PRRC2A: variants seen among roughly 807,000 people sequenced by gnomAD.
PRRC2A encodes proline rich coiled-coil 2A, also known as protein PRRC2A.
PRRC2A carries 59 observed loss-of-function variants against 224.6 expected under a neutral mutation model. That is an observed-to-expected ratio of 0.26 (90% CI 0.21 to 0.33). PRRC2A has a LOEUF of 0.33. Among genes scored for constraint, PRRC2A ranks in the 10% least tolerant of loss-of-function variants. PRRC2A has a pLI of 1.00. For synonymous variants in PRRC2A, 1,194 were observed against 1,109.5 expected, an observed-to-expected ratio of 1.08 and a Z score of -1.51; for missense variants, 3,095 against 2,880.7, an observed-to-expected ratio of 1.07 and a Z score of -1.70.
chr6:31,634,666 C>T (rs1272284896), intron 20 of PRRC2A, 87 bp from the exon 21 acceptor site: 18 of 1,567,906 alleles, frequency 1.1e-5, no homozygotes, highest in African/African-American at 2.7e-5. Context: ...TTGGCTGTCC[C>T]CTTTCTGCAG....
At chr6:31,623,012 G>A (rs1325197838) in intron 2 of PRRC2A, 111 bp downstream of exon 2, 2 of 982,752 alleles carry the variant, frequency 2.0e-6, no homozygotes, top group Admixed American at 1.8e-5. Context: ...CAAAAGACTA[G>A]AGGAGATTTC....
chr6:31,623,255 A>C (rs765829371), intron 2 of PRRC2A: 6 of 470,958 alleles, frequency 1.3e-5, no homozygotes, highest in African/African-American at 9.1e-5. Flanking sequence ...TAGGGATTTC[A>C]TAGATTTTTT....
At chr6:31,630,825 G>A in intron 15 of PRRC2A, 24 bp downstream of exon 15, 1 of 1,611,024 alleles carries the variant, frequency 6.2e-7, no homozygotes, top group Non-Finnish European at 8.5e-7. Flanking sequence ...ATGAGAAATG[G>A]GTGAGTTCAC....
rs1206307739 is a variant in PRRC2A, at chr6:31,626,878, CA to C, written c.1073+17del. 6.2e-6 allele frequency: 10 copies of C among 1,611,972 alleles called. No individual in the cohort carries two copies. The highest frequency in any genetic ancestry group is 4.0e-5 in the African/African-American group (3 of 74,878). On this transcript the variant is annotated intron_variant, in intron 10 of 30. Coordinates refer to ENST00000376033, the MANE Select transcript of PRRC2A (RefSeq NM_004638.4). ...CTGAGGGCCAGTGAGTTAGGGCCAT[CA>C]GGGGAGAAGAGGAGGGGGTCTTGGT...
At position 31,627,870 on chromosome 6, in the gene PRRC2A, C is replaced by T. The variant is rs770325733; in HGVS notation, c.1396C>T (p.Arg466Trp). 1.9e-6 allele frequency: 3 copies of T among 1,612,922 alleles called. No individual in the cohort carries two copies. Among genetic ancestry groups the T allele is most frequent in the Non-Finnish European group, 2.5e-6 (3 of 1,179,998 alleles). ...ATCTGAGATTTCCCTGGCAGTGGAG[C>T]GGGCCCGGCGACGGCGAGAAGAAGA... ...SSSEISLAVE[R>W]ARRRREEEER... The change falls in exon 12 of 31, where the codon CGG becomes TGG. Residue 466 changes from arginine (R) to tryptophan (W), a missense_variant. This residue lies in a region of PRRC2A where 2,001 missense variants were observed against 1,764.9 expected (regional missense o/e 1.13). Coordinates refer to ENST00000376033, the MANE Select transcript of PRRC2A (RefSeq NM_004638.4). The surrounding 1 kb of genome is among the most constrained non-coding windows in gnomAD (Gnocchi z 5.6).
At position 31,632,230 on chromosome 6, in the gene PRRC2A, G is replaced by C; in HGVS notation, c.3557G>C (p.Ser1186Thr). 6.2e-7 allele frequency: 1 copy of C among 1,612,652 alleles called. No homozygotes were observed. The part of the protein sequence containing the change: ...RPPPQVCPGW[S>T]PPAKSLAPKK... ...CCTCCTCAAGTTTGCCCAGGCTGGA[G>C]CCCTCCAGCCAAGTCTCTGGCTCCC... The change falls in exon 16 of 31, where the codon AGC (serine) becomes ACC (threonine). Residue 1186 changes from serine to threonine, a missense_variant. Physicochemically the swap from Ser to Thr is moderately conservative, Grantham distance 58 (BLOSUM62 1). Around this residue, in one of 8 missense-constraint regions of PRRC2A, gnomAD observed 2,001 missense variants for 1,764.9 expected, o/e 1.13. Transcript: ENST00000376033.
In PRRC2A at chr6:31,627,971, A is replaced by G; in HGVS notation, c.1497A>G (p.Ala499=). 1 of 1,612,950 alleles carries G rather than the reference A, an allele frequency of 6.2e-7. No individual in the cohort carries two copies. Among genetic ancestry groups the G allele is most frequent in the Non-Finnish European group, 8.5e-7 (1 of 1,180,006 alleles). Residue 499 remains alanine, a synonymous_variant, in exon 12 of 31, where the codon GCA becomes GCG. Transcript: ENST00000376033. The surrounding 1 kb of genome is among the most constrained non-coding windows in gnomAD (Gnocchi z 5.6). ...KLKRLDEKFG[A]PDKRLKAEPA... ...AGCGACTCGATGAAAAGTTTGGGGC[A>G]CCTGACAAGCGGCTCAAAGCAGAGC...
Position 31,631,530 on chromosome 6 carries a change from A to G in PRRC2A, c.2857A>G (p.Lys953Glu). 6.3e-7 allele frequency: 1 copy of G among 1,596,436 alleles called. No homozygotes were observed. Among genetic ancestry groups the G allele is most frequent in the Non-Finnish European group, 8.5e-7 (1 of 1,174,748 alleles). Reference sequence around the variant, plus strand: ...CCCACCCCGCCGGGCTGGGCCTATAAAGAAACCTCCACCACCTACAAAAGT... The same window carrying G: ...CCCACCCCGCCGGGCTGGGCCTATAGAGAAACCTCCACCACCTACAAAAGT... ...GAPPRRAGPI[K>E]KPPPPTKVEE... The change falls in exon 16 of 31, where the codon AAG becomes GAG. Residue 953 changes from lysine (K) to glutamate (E), a missense_variant. This residue lies in a region of PRRC2A where 2,001 missense variants were observed against 1,764.9 expected (regional missense o/e 1.13). Transcript: ENST00000376033. The surrounding 1 kb of genome is among the most constrained non-coding windows in gnomAD (Gnocchi z 4.5).
chr6:31,632,942 C>G lies in PRRC2A; in HGVS notation c.4269C>G (p.Thr1423=). 6.2e-7 allele frequency: 1 copy of G among 1,607,586 alleles called. No individual in the cohort carries two copies. Among genetic ancestry groups the G allele is most frequent in the Non-Finnish European group, 8.5e-7 (1 of 1,176,648 alleles). ...GCGGTGGGGGTCCTGGAGGAAGGAC[C>G]GGGCCAGGACGAGGCGACAAGAGGA... The part of the protein sequence containing the change: ...GGGGGGPGGR[T]GPGRGDKRSW... Residue 1423 remains threonine, a synonymous_variant, in exon 16 of 31, where the codon ACC becomes ACG. Coordinates refer to ENST00000376033, the MANE Select transcript of PRRC2A (RefSeq NM_004638.4).
In PRRC2A at chr6:31,633,906, A is replaced by G; in HGVS notation, c.4636A>G (p.Thr1546Ala). Residue 1546 changes from threonine (T) to alanine (A), a missense_variant, in exon 18 of 31, where the codon ACT becomes GCT. Coordinates refer to ENST00000376033, the MANE Select transcript of PRRC2A (RefSeq NM_004638.4). ...PGPMVRGVGG[T>A]PRDSAGVSPF... ...GCCAATGGTGAGAGGGGTGGGTGGG[A>G]CTCCTCGGGACTCTGCCGGGGTTAG... 6.3e-7 allele frequency: 1 copy of G among 1,577,936 alleles called. No individual in the cohort carries two copies. Among genetic ancestry groups the G allele is most frequent in the East Asian group, 2.3e-5 (1 of 44,338 alleles).
Position 31,632,986 on chromosome 6 carries a change from A to C in PRRC2A, c.4313A>C (p.Asn1438Thr), listed in dbSNP as rs753136519. 1 of 1,564,908 alleles carries C rather than the reference A, an allele frequency of 6.4e-7. No homozygotes were observed. Among genetic ancestry groups the C allele is most frequent in the Non-Finnish European group, 8.6e-7 (1 of 1,156,250 alleles). The change falls in exon 16 of 31, where the codon AAC becomes ACC. Residue 1438 changes from asparagine (N) to threonine (T), a missense_variant. By Grantham distance (65) the Asn-to-Thr change is moderately conservative. This residue lies in a region of PRRC2A where 2,001 missense variants were observed against 1,764.9 expected (regional missense o/e 1.13). Coordinates refer to ENST00000376033, the MANE Select transcript of PRRC2A (RefSeq NM_004638.4). ...GDKRSWPSPK[N>T]RSRPPEERPP... ...AAGAGGAGCTGGCCCTCTCCCAAGA[A>C]CCGAAGGTGGGTAGGAACAAACAAA...
Position 31,631,966 on chromosome 6 carries a change from CCAA to C in PRRC2A, c.3294_3296del (p.Lys1099del). 1 of 1,612,756 alleles carries C rather than the reference CCAA, an allele frequency of 6.2e-7. No homozygotes were observed. On this transcript the variant is annotated inframe_deletion, in exon 16 of 31. Coordinates refer to ENST00000376033, the MANE Select transcript of PRRC2A (RefSeq NM_004638.4). The surrounding 1 kb of genome is among the most constrained non-coding windows in gnomAD (Gnocchi z 4.5). ...GAGGGTTCAGAGTATGAGGAAATCC[CCAA>C]GCGGCGCCGGCAGCGGGGCTCAGAA...
intron 12 of PRRC2A, chr6:31,628,836 G>T: frequency 2.8e-6 from 1 of 361,516 alleles, no homozygotes. Context: ...GCAAGACTCT[G>T]TCTCAAAAAA....
chr6:31,622,733 G>T lies in PRRC2A; in HGVS notation c.-57G>T. On this transcript the variant is annotated 5_prime_UTR_variant, in exon 2 of 31. Transcript: ENST00000376033. ...CTTGCTGTCTGGCCCACAGGCTCTG[G>T]CACGTTTTGGGGGAGGTGCCTGCAG... is the stretch of plus-strand genomic sequence containing the variant. 4 of 1,330,942 alleles carry T rather than the reference G, an allele frequency of 3.0e-6. No individual in the cohort carries two copies. In the South Asian group the frequency reaches 4.7e-5, roughly 16 times the overall value. The allele number at this position is 1,330,942 out of a possible 1,614,324, so 82.4% of individuals were successfully genotyped here. A position where few individuals can be genotyped will look rare whatever the true frequency, so the allele number is the denominator to read the frequency against.
At chr6:31,635,059 T>C in intron 21 of PRRC2A, 73 bp from the exon 22 acceptor site, 1 of 1,600,236 alleles carries the variant, frequency 6.2e-7, no homozygotes, top group South Asian at 1.1e-5. Flanking sequence ...TCTCTCTGCG[T>C]GTGTGTTCTG....
chr6:31,633,461 G>A lies in PRRC2A; in HGVS notation c.4402G>A (p.Val1468Ile). 6.2e-7 allele frequency: 1 copy of A among 1,613,104 alleles called. No individual in the cohort carries two copies. The highest frequency in any genetic ancestry group is 8.5e-7 in the Non-Finnish European group (1 of 1,180,034). Reference protein sequence around the residue: ...SSSAVFRLDQVIHSNPAGIQQ... With the variant: ...SSSAVFRLDQIIHSNPAGIQQ... ...TTCTGCTGTCTTCCGCCTGGACCAA[G>A]TTATCCACAGCAACCCTGCTGGCAT... The change falls in exon 17 of 31, where the codon GTT (valine) becomes ATT (isoleucine). Residue 1468 changes from valine (V) to isoleucine (I), a missense_variant. Physicochemically the swap from Val to Ile is conservative, Grantham distance 29. Coordinates refer to ENST00000376033, the MANE Select transcript of PRRC2A (RefSeq NM_004638.4).
chr6:31,634,646 G>A (rs955756923), intron 20 of PRRC2A, 89 bp downstream of exon 20: 43 of 1,577,146 alleles, frequency 2.7e-5, no homozygotes, highest in Non-Finnish European at 3.7e-5. Flanking sequence ...GTCTGGAGCT[G>A]TTCTCTCACT....
Position 31,625,412 on chromosome 6 carries a change from C to G in PRRC2A, c.608-48C>G. On this transcript the variant is annotated intron_variant, in intron 6 of 30. Coordinates refer to ENST00000376033, the MANE Select transcript of PRRC2A (RefSeq NM_004638.4). This position sits in a 1 kb window ranked among gnomAD's most constrained non-coding sequence, Gnocchi z 4.1. ...TCCCCATCACTTTCAGCTGTGTTCACTTGTCCTCCAATCATTGATACCTCT... is the reference window on the plus strand; with the variant it reads ...TCCCCATCACTTTCAGCTGTGTTCAGTTGTCCTCCAATCATTGATACCTCT... 1.2e-6 allele frequency: 2 copies of G among 1,610,132 alleles called. No homozygotes were observed. Among genetic ancestry groups the G allele is most frequent in the Non-Finnish European group, 1.7e-6 (2 of 1,176,404 alleles).
In PRRC2A at chr6:31,629,654, G is replaced by A. The variant is rs576342188; in HGVS notation, c.2063G>A (p.Gly688Glu). 5 of 1,611,304 alleles carry A rather than the reference G, an allele frequency of 3.1e-6. No individual in the cohort carries two copies. In the East Asian group the frequency reaches 8.9e-5, roughly 29 times the overall value. Residue 688 changes from glycine to glutamate, a missense_variant, in exon 14 of 31, where the codon GGG (glycine) becomes GAG (glutamate). Around this residue, in one of 8 missense-constraint regions of PRRC2A, gnomAD observed 2,001 missense variants for 1,764.9 expected, o/e 1.13. Transcript: ENST00000376033. The stretch of plus-strand genomic sequence containing the variant: ...TCACCACCACAGCCTGTGACCCTGG[G>A]GGCTGTGCCAGCTCCACAGGCTCCA... ...PPSPPQPVTLGAVPAPQAPPP... is the reference protein window; with the variant it reads ...PPSPPQPVTLEAVPAPQAPPP...
Sources: allele counts gnomAD v4.1 joint callset, GRCh38; gene constraint gnomAD v4.1.1; regional missense constraint gnomAD v4.1.1; non-coding constraint Gnocchi (gnomAD v3.1); transcripts MANE v1.5; gene names NCBI Gene and HGNC (gene_info 2026-07-23, HGNC 2026-07-21).